The following RASSF3 variants were observed in gnomAD, a reference collection of about 807,000 sequenced individuals.
RASSF3 encodes the protein Ras association domain family member 3, also known as ras association domain-containing protein 3.
Under a neutral mutation model 19.9 loss-of-function variants are expected in RASSF3, and 19 were observed. The observed-to-expected ratio is 0.96, with a 90% CI of 0.67 to 1.40. RASSF3 has a LOEUF of 1.40. RASSF3 is among the 40% of genes most tolerant of loss of function. The pLI is 0.00. For missense variants in RASSF3, 306 were observed against 289.8 expected (o/e 1.06, Z -0.41); for synonymous variants, 110 against 104.2 (o/e 1.06, Z -0.34).
At position 64,655,900 on chromosome 12, in the gene RASSF3, G is replaced by T. The variant is rs116613901; in HGVS notation, c.112-28887G>T. Among the ~76,000 whole-genome samples the T allele has an allele frequency of 3.0e-3, 449 of 151,866 alleles. 1 individual carries two copies. Among genetic ancestry groups the T allele is most frequent in the African/African-American group, 0.01 (428 of 41,416 alleles). ...AAATTAGCCGGGCGTGATTGTGGGT[G>T]CCTGTAATCCTGGCTACTTGGGAGG... On this transcript the variant is annotated intron_variant, in intron 1 of 4. Transcript: ENST00000542104.
upstream of RASSF3, among the ~76,000 whole-genome samples, chr12:64,605,527 G>T (rs1870175741): frequency 6.6e-6 from 1 of 152,076 alleles, no homozygotes. Flanking sequence ...TGAGAGATAT[G>T]ACTATTCCAG....
chr12:64,516,714 T>C (rs1429555384), intron 1 of RASSF3, among the ~76,000 whole-genome samples: 1 of 150,194 alleles, frequency 6.7e-6, no homozygotes, highest in Non-Finnish European at 1.5e-5. Flanking sequence ...AAATAAGAAA[T>C]CCTGGCCGGG....
chr12:64,544,277 GAGCTCTCACACTC>G (rs777556115), downstream of RASSF3, among the ~76,000 whole-genome samples: 20 of 151,794 alleles, frequency 1.3e-4, no homozygotes, highest in Middle Eastern at 3.4e-3. Flanking sequence ...ACTGCCTTAA[GAGCTCTCACACTC>G]ACTTCGAAGG....
At chr12:64,569,554 T>C (rs1182618598) in intron 2 of RASSF3, among the ~76,000 whole-genome samples, 2 of 152,228 alleles carry the variant, frequency 1.3e-5, no homozygotes, top group African/African-American at 4.8e-5. Flanking sequence ...CAGAGGTGAT[T>C]TTTAGTTACA....
At chr12:64,556,603 G>A (rs1869260204) in intron 2 of RASSF3, among the ~76,000 whole-genome samples, 2 of 152,044 alleles carry the variant, frequency 1.3e-5, no homozygotes, top group African/African-American at 4.8e-5. Flanking sequence ...AAGAAAATGG[G>A]TCCAGGGGTC....
chr12:64,608,778 A>G (rs535895393), upstream of RASSF3, among the ~76,000 whole-genome samples: 1 of 152,336 alleles, frequency 6.6e-6, no homozygotes, highest in South Asian at 2.1e-4. Flanking sequence ...GAATAATGAA[A>G]TAAGAGAAAC....
At chr12:64,688,493 A>G in intron 3 of RASSF3, 40 bp downstream of exon 3, 7 of 1,385,832 alleles carry the variant, frequency 5.1e-6, no homozygotes, top group East Asian at 2.3e-5. Flanking sequence ...CTGTGCTTCT[A>G]CTTGCATCTG....
At chr12:64,586,758 A>G (rs1025711448) in intron 2 of RASSF3, among the ~76,000 whole-genome samples, 1 of 151,798 alleles carries the variant, frequency 6.6e-6, no homozygotes, top group African/African-American at 2.4e-5. Context: ...CCCCTTCCCT[A>G]CTAAAAATAC....
intron 1 of RASSF3, among the ~76,000 whole-genome samples, chr12:64,611,924 G>A (rs1870380321): frequency 6.6e-6 from 1 of 152,128 alleles, no homozygotes; most frequent in African/African-American, 2.4e-5. Flanking sequence ...GAGAGGAGAC[G>A]GTGAAGGGTA....
chr12:64,596,682 C>T (rs1318698915), intron 2 of RASSF3, among the ~76,000 whole-genome samples: 5 of 152,194 alleles, frequency 3.3e-5, no homozygotes, highest in Admixed American at 3.3e-4. Context: ...GCCCTGACTC[C>T]ACTAGTTCCC....
intron 1 of RASSF3, among the ~76,000 whole-genome samples, chr12:64,623,988 A>G (rs1870892606): frequency 6.6e-6 from 1 of 151,770 alleles, no homozygotes; most frequent in South Asian, 2.1e-4. Context: ...TTTTCCTCTG[A>G]CCAGATTTGG....
intron 2 of RASSF3, among the ~76,000 whole-genome samples, chr12:64,600,684 A>G (rs761053109): frequency 1.3e-5 from 2 of 152,174 alleles, no homozygotes; most frequent in Admixed American, 6.6e-5. Context: ...ACTGTGACCT[A>G]TATGTACGTA....
At chr12:64,560,139 C>T (rs1405143207) in intron 2 of RASSF3, among the ~76,000 whole-genome samples, 3 of 152,228 alleles carry the variant, frequency 2.0e-5, no homozygotes, top group Non-Finnish European at 4.4e-5. Flanking sequence ...TCTGCCAAGT[C>T]AACATCCTGA....
upstream of RASSF3, among the ~76,000 whole-genome samples, chr12:64,530,389 C>T (rs561308816): frequency 3.0e-4 from 46 of 152,082 alleles, no homozygotes; most frequent in Non-Finnish European, 3.8e-4. Flanking sequence ...GCAATCCACC[C>T]GCCTCAGCCT....
intron 1 of RASSF3, among the ~76,000 whole-genome samples, chr12:64,538,412 G>A (rs535073815): frequency 3.9e-5 from 6 of 152,226 alleles, no homozygotes; most frequent in Admixed American, 2.6e-4. Context: ...ACATGTTGAT[G>A]TACGAGTGGT....
intron 1 of RASSF3, among the ~76,000 whole-genome samples, chr12:64,639,257 T>C (rs1871428559): frequency 6.6e-6 from 1 of 152,214 alleles, no homozygotes; most frequent in Non-Finnish European, 1.5e-5. Context: ...ACTTGTGACT[T>C]ATGTAAAGTT....
chr12:64,688,371 C>G lies in RASSF3; in HGVS notation c.375C>G (p.Ile125Met), dbSNP rs770909387. The G allele has an allele frequency of 6.2e-7, 1 of 1,614,170 alleles. No individual in the cohort carries two copies. Among genetic ancestry groups the G allele is most frequent in the South Asian group, 1.1e-5 (1 of 91,078 alleles). The part of the protein sequence containing the change: ...ISSTNTVGEV[I>M]EALLKKFLVT... The stretch of plus-strand genomic sequence containing the variant: ...GCACAAACACTGTCGGGGAAGTGAT[C>G]GAGGCCCTGCTCAAAAAGTTTCTCG... Residue 125 changes from isoleucine to methionine, a missense_variant, in exon 3 of 5, where the codon ATC becomes ATG. By Grantham distance (10) the Ile-to-Met change is conservative. Coordinates refer to ENST00000542104, the MANE Select transcript of RASSF3 (RefSeq NM_178169.4).
chr12:64,553,990 A>AG lies in RASSF3; in HGVS notation c.294+12285_294+12286insG, dbSNP rs1329446344. On this transcript the variant is annotated intron_variant, in intron 2 of 5. Transcript: ENST00000637125. ...AGATCCTGTCTCAAAAAAAAAAAAA[A>AG]AAAGAAAGAAAAAAAAAAGTTGTCT... Among the ~76,000 whole-genome samples, 184 of 151,702 alleles carry AG rather than the reference A, an allele frequency of 1.2e-3. 1 individual carries two copies. The highest frequency in any genetic ancestry group is 2.1e-3 in the Non-Finnish European group (145 of 67,902).
chr12:64,554,819 C>T (rs1217837879), intron 2 of RASSF3, among the ~76,000 whole-genome samples: 1 of 152,250 alleles, frequency 6.6e-6, no homozygotes, highest in Non-Finnish European at 1.5e-5. Flanking sequence ...GGCAGCAGGA[C>T]TTTGCCGCCT....
Sources: allele counts gnomAD v4.1 joint callset (sites outside exome capture counted in the v4.1 genomes callset), GRCh38; gene constraint gnomAD v4.1.1; transcripts MANE v1.5; gene names NCBI Gene and HGNC (gene_info 2026-07-23, HGNC 2026-07-21).